ZFHX3: variants seen among roughly 807,000 people sequenced by gnomAD.
The protein encoded by ZFHX3 is zinc finger homeobox 3, also known as zinc finger homeobox protein 3.
Under a neutral mutation model 279.1 loss-of-function variants are expected in ZFHX3, and 42 were observed. The observed-to-expected ratio is 0.15, with a 90% CI of 0.12 to 0.19. The LOEUF (loss-of-function observed/expected upper bound fraction) is 0.19, where lower values mean the gene tolerates loss of function less well. Among genes scored for constraint, ZFHX3 ranks in the 10% least tolerant of loss-of-function variants. ZFHX3 has a pLI of 1.00. For synonymous variants in ZFHX3, 2,293 were observed against 1,957.8 expected (o/e 1.17, Z -4.52); for missense variants, 4,981 against 4,754.0 (o/e 1.05, Z -1.40).
chr16:73,369,041 TA>T (rs1291961712), intron 3 of ZFHX3, among the ~76,000 whole-genome samples: 10 of 152,192 alleles, frequency 6.6e-5, no homozygotes, highest in Non-Finnish European at 1.2e-4. Context: ...ATGGTGTCAG[TA>T]ATTATACTAG....
chr16:73,348,932 G>A (rs1044863540), intron 3 of ZFHX3, among the ~76,000 whole-genome samples: 1 of 152,176 alleles, frequency 6.6e-6, no homozygotes, highest in Non-Finnish European at 1.5e-5. Context: ...GAAAATCAAT[G>A]ACTTCATTAA....
chr16:73,306,005 C>G (rs2015172142), intron 4 of ZFHX3, among the ~76,000 whole-genome samples: 1 of 152,198 alleles, frequency 6.6e-6, no homozygotes, highest in African/African-American at 2.4e-5. Context: ...AATGCGGATT[C>G]TGGCTCAGTG....
At chr16:73,003,461 G>A (rs1298560860) in intron 1 of ZFHX3, among the ~76,000 whole-genome samples, 2 of 151,932 alleles carry the variant, frequency 1.3e-5, no homozygotes, top group Middle Eastern at 3.2e-3. Flanking sequence ...GCCAAGGTGG[G>A]TGGATCATCT....
intron 1 of ZFHX3, chr16:73,014,544 T>TTTTTTGTTG (rs1414520446): frequency 7.0e-6 from 1 of 143,392 alleles, no homozygotes; most frequent in African/African-American, 2.6e-5. Flanking sequence ...TTTTTTTTTT[T>TTTTTTGTTG]TTGAGACACA....
chr16:73,395,712 G>C (rs1355681052), intron 3 of ZFHX3, among the ~76,000 whole-genome samples: 1 of 151,902 alleles, frequency 6.6e-6, no homozygotes, highest in African/African-American at 2.4e-5. Flanking sequence ...TCTTTCATAA[G>C]TGATTATGTG....
At chr16:73,197,924 G>GGTTTT (rs1968185031) in intron 5 of ZFHX3, among the ~76,000 whole-genome samples, 1 of 53,750 alleles carries the variant, frequency 1.9e-5, no homozygotes, top group Non-Finnish European at 3.3e-5. Context: ...TGATTTGGTG[G>GGTTTT]TTTTTTTTTT....
At chr16:73,314,361 T>C (rs537177034) in intron 4 of ZFHX3, among the ~76,000 whole-genome samples, 1 of 152,152 alleles carries the variant, frequency 6.6e-6, no homozygotes, top group Non-Finnish European at 1.5e-5. Flanking sequence ...TAATTCTCCT[T>C]TTCTGCCTGT....
intron 1 of ZFHX3, among the ~76,000 whole-genome samples, chr16:73,734,368 A>G (rs926368032): frequency 6.6e-6 from 1 of 152,250 alleles, no homozygotes; most frequent in Non-Finnish European, 1.5e-5. Flanking sequence ...AAATTGAGAA[A>G]GCCTATGATT....
chr16:73,795,447 G>C (rs765005495), intron 1 of ZFHX3, among the ~76,000 whole-genome samples: 1 of 152,192 alleles, frequency 6.6e-6, no homozygotes, highest in East Asian at 1.9e-4. Context: ...ATTGGTTTTC[G>C]ATGAGCCTGG....
At chr16:72,933,240 T>A (rs74662138) in intron 3 of ZFHX3, among the ~76,000 whole-genome samples, 6 of 152,106 alleles carry the variant, frequency 3.9e-5, no homozygotes, top group Non-Finnish European at 7.4e-5. Context: ...GTGAAATGTA[T>A]GCCCTCGTCT....
At chr16:73,667,747 C>T (rs2052859792) in intron 2 of ZFHX3, among the ~76,000 whole-genome samples, 1 of 152,154 alleles carries the variant, frequency 6.6e-6, no homozygotes, top group South Asian at 2.1e-4. Flanking sequence ...CACATAATCT[C>T]ATTTTGAGAT....
chr16:73,055,847 T>TACACACAC (rs10672414), intron 1 of ZFHX3, among the ~76,000 whole-genome samples: 9,909 of 138,414 alleles, frequency 0.072, 345 homozygotes, highest in Middle Eastern at 0.11. Context: ...CCTACAACTC[T>TACACACAC]ACACACACAC....
intron 2 of ZFHX3, among the ~76,000 whole-genome samples, chr16:73,633,033 C>G (rs776214868): frequency 6.6e-6 from 1 of 152,094 alleles, no homozygotes; most frequent in Admixed American, 6.5e-5. Flanking sequence ...GAGCTGGGAT[C>G]GCACCACTGC....
At chr16:73,585,932 T>C (rs1250272007) in intron 2 of ZFHX3, among the ~76,000 whole-genome samples, 1 of 151,946 alleles carries the variant, frequency 6.6e-6, no homozygotes, top group African/African-American at 2.4e-5. Context: ...AAAATAAACG[T>C]GGGATAACCA....
At chr16:73,700,833 A>AT (rs1194366148) in intron 1 of ZFHX3, among the ~76,000 whole-genome samples, 1 of 152,184 alleles carries the variant, frequency 6.6e-6, no homozygotes, top group Non-Finnish European at 1.5e-5. Flanking sequence ...ATGTACTTTT[A>AT]TTTTTTTAGT....
At chr16:73,072,383 G>T (rs1472609878) in intron 8 of ZFHX3, among the ~76,000 whole-genome samples, 2 of 149,490 alleles carry the variant, frequency 1.3e-5, no homozygotes, top group Non-Finnish European at 3.0e-5. Flanking sequence ...GGTGGAAGTT[G>T]CAGTGAGCCG....
chr16:73,544,813 T>G (rs2020081889), intron 2 of ZFHX3, among the ~76,000 whole-genome samples: 1 of 152,088 alleles, frequency 6.6e-6, no homozygotes, highest in Admixed American at 6.5e-5. Context: ...TTCTTCTGGG[T>G]TCCCCGGCCG....
At chr16:72,878,337 C>T (rs910881746) in intron 4 of ZFHX3, among the ~76,000 whole-genome samples, 9 of 152,206 alleles carry the variant, frequency 5.9e-5, no homozygotes, top group African/African-American at 2.2e-4. Flanking sequence ...TCATCACACA[C>T]GCACTTCACT....
At chr16:73,808,573 C>T (rs1331565852) in intron 1 of ZFHX3, 4 of 152,052 alleles carry the variant, frequency 2.6e-5, no homozygotes, top group South Asian at 4.1e-4. Flanking sequence ...AGTCAGCTTT[C>T]GATAAGTGTC....
Sources: allele counts gnomAD v4.1 joint callset (sites outside exome capture counted in the v4.1 genomes callset), GRCh38; gene constraint gnomAD v4.1.1; transcripts MANE v1.5; gene names NCBI Gene and HGNC (gene_info 2026-07-23, HGNC 2026-07-21).